Variants in FAT3 observed in about 807,000 individuals in gnomAD.
The protein encoded by FAT3 is protocadherin Fat 3.
FAT3 carries 95 observed loss-of-function variants against 310.2 expected under a neutral mutation model. That is an observed-to-expected ratio of 0.31 (90% confidence interval 0.26 to 0.36). The LOEUF is 0.36. Ranked by LOEUF, FAT3 falls within the 10% of genes least tolerant of loss-of-function variation. The pLI, the probability that FAT3 is intolerant of heterozygous loss-of-function variation, is 1.00. For missense variants in FAT3, 5,408 were observed against 5,715.6 expected (o/e 0.95, Z 1.74); for synonymous variants, 2,314 against 2,192.9 (o/e 1.06, Z -1.54).
At chr11:92,671,693 CTG>C (rs1943133103) in intron 3 of FAT3, among the ~76,000 whole-genome samples, 1 of 152,116 alleles carries the variant, frequency 6.6e-6, no homozygotes, top group Non-Finnish European at 1.5e-5. Flanking sequence ...TCCTGCTAGA[CTG>C]TACATTCCAT....
intron 2 of FAT3, among the ~76,000 whole-genome samples, chr11:92,409,260 TC>T (rs1263529175): frequency 7.5e-5 from 11 of 146,344 alleles, no homozygotes; most frequent in African/African-American, 2.6e-4. Context: ...TGTGTGTGTG[TC>T]GTGTGTGTGT....
At chr11:92,548,203 T>C (rs1369664358) in intron 3 of FAT3, among the ~76,000 whole-genome samples, 1 of 152,188 alleles carries the variant, frequency 6.6e-6, no homozygotes, top group Non-Finnish European at 1.5e-5. Flanking sequence ...TGGTGACTTG[T>C]TACTTAGCTT....
chr11:92,798,853 C>T lies in FAT3; in HGVS notation c.5840C>T (p.Ser1947Phe), dbSNP rs1231547853. Residue 1947 changes from serine to phenylalanine, a missense_variant, in exon 10 of 28, where the codon TCC becomes TTC. Ser to Phe is a radical substitution (Grantham distance 155). Transcript: ENST00000525166. ...GVLTIKNNNLSKDHYMLIVKV... is the reference protein window; with the variant it reads ...GVLTIKNNNLFKDHYMLIVKV... Reference sequence around the variant, plus strand: ...CTTACCATAAAAAACAACAACCTCTCCAAGGATCACTACATGCTGATAGTT... The same window carrying T: ...CTTACCATAAAAAACAACAACCTCTTCAAGGATCACTACATGCTGATAGTT... The T allele has an allele frequency of 6.2e-7, 1 of 1,613,746 alleles. No homozygotes were observed. The highest frequency in any genetic ancestry group is 1.3e-5 in the African/African-American group (1 of 74,896).
intron 2 of FAT3, among the ~76,000 whole-genome samples, chr11:92,515,132 A>C (rs1953435740): frequency 1.3e-5 from 2 of 152,132 alleles, no homozygotes; most frequent in African/African-American, 2.4e-5. Context: ...ACACTTATTG[A>C]GTGCCTACTA....
rs1462723465 is a variant in FAT3 at position 92,293,457 on chromosome 11, A to G, written c.-17-58639A>G. Reference sequence around the variant, plus strand: ...AAAGAAGAAAATTATAATCATACTCATGATCACGTGACCCTGATATATAAC... The same window carrying G: ...AAAGAAGAAAATTATAATCATACTCGTGATCACGTGACCCTGATATATAAC... On this transcript the variant is annotated intron_variant, in intron 1 of 27. Coordinates refer to ENST00000525166, the MANE Select transcript of FAT3 (RefSeq NM_001367949.2). 2.7e-5 allele frequency among the ~76,000 whole-genome samples: 4 copies of G among 148,026 alleles called. No homozygotes were observed. In the East Asian group the frequency reaches 8.0e-4, roughly 30 times the overall value.
intron 2 of FAT3, among the ~76,000 whole-genome samples, chr11:92,488,820 C>A (rs1591359023): frequency 6.6e-6 from 1 of 152,216 alleles, no homozygotes; most frequent in South Asian, 2.1e-4. Flanking sequence ...TGAAATCCAC[C>A]TGCCTGGGTT....
At chr11:92,443,001 C>T (rs1419235425) in intron 2 of FAT3, among the ~76,000 whole-genome samples, 1 of 152,108 alleles carries the variant, frequency 6.6e-6, no homozygotes, top group African/African-American at 2.4e-5. Flanking sequence ...TAAGCAAACA[C>T]AAGGGGTGGT....
chr11:92,386,430 T>G (rs1949622360), intron 2 of FAT3, among the ~76,000 whole-genome samples: 1 of 152,220 alleles, frequency 6.6e-6, no homozygotes, highest in African/African-American at 2.4e-5. Context: ...ATTGAATGAA[T>G]GCATACATGA....
intron 2 of FAT3, among the ~76,000 whole-genome samples, chr11:92,400,013 G>GAATATATACA (rs1773155210): frequency 6.6e-6 from 1 of 152,094 alleles, no homozygotes; most frequent in Admixed American, 6.6e-5. Flanking sequence ...TATTCTTATT[G>GAATATATACA]AGGCACAGAC....
chr11:92,271,997 T>C (rs1565192915), intron 1 of FAT3, among the ~76,000 whole-genome samples: 1 of 152,146 alleles, frequency 6.6e-6, no homozygotes. Flanking sequence ...TGTACTCTTT[T>C]CATTATATGG....
chr11:92,309,216 C>T (rs1014108500), intron 1 of FAT3, among the ~76,000 whole-genome samples: 2 of 147,066 alleles, frequency 1.4e-5, no homozygotes, highest in Non-Finnish European at 3.0e-5. Context: ...CCCCAGAGTG[C>T]ACCGGCTTGG....
chr11:92,886,343 G>A (rs1191673816), intron 24 of FAT3, among the ~76,000 whole-genome samples: 1 of 151,988 alleles, frequency 6.6e-6, no homozygotes, highest in Non-Finnish European at 1.5e-5. Flanking sequence ...GTGTGTGTGT[G>A]TGTGTGTGCA....
At position 92,666,252 on chromosome 11, in the gene FAT3, A is replaced by T. The variant is rs376052033; in HGVS notation, c.3608-31132A>T. On this transcript the variant is annotated intron_variant, in intron 3 of 27. Coordinates refer to ENST00000525166, the MANE Select transcript of FAT3 (RefSeq NM_001367949.2). ...CAAGATAAAACATATCCATTTGATG[A>T]TTTAATTGATAAAGGTGTTAATTTG... is the stretch of plus-strand genomic sequence containing the variant. Among the ~76,000 whole-genome samples the T allele has an allele frequency of 4.6e-5, 7 of 152,282 alleles. No homozygotes were observed. In the East Asian group the frequency reaches 1.4e-3, roughly 29 times the overall value.
chr11:92,735,079 C>A (rs1172780012), intron 4 of FAT3, among the ~76,000 whole-genome samples: 7 of 152,028 alleles, frequency 4.6e-5, no homozygotes, highest in Non-Finnish European at 1.0e-4. Flanking sequence ...AGAACACCTC[C>A]CTGCAGGAAC....
intron 1 of FAT3, among the ~76,000 whole-genome samples, chr11:92,351,287 G>A (rs1344590577): frequency 6.6e-6 from 1 of 151,956 alleles, no homozygotes; most frequent in Non-Finnish European, 1.5e-5. Flanking sequence ...ACCTTGATCA[G>A]TTTAAAAGTA....
chr11:92,225,239 G>T (rs539529099), intron 1 of FAT3, among the ~76,000 whole-genome samples, 65 bp downstream of exon 1: 1 of 152,222 alleles, frequency 6.6e-6, no homozygotes, highest in South Asian at 2.1e-4. Flanking sequence ...GCGCCTGCCG[G>T]AGCACAGCCT....
Position 92,690,298 on chromosome 11 carries a change from G to A in FAT3, c.3608-7086G>A, listed in dbSNP as rs115250674. On this transcript the variant is annotated intron_variant, in intron 3 of 27. Coordinates refer to ENST00000525166, the MANE Select transcript of FAT3 (RefSeq NM_001367949.2). ...GCATCTTCATACTTTGGTTTAAAATGTACCCTCACTTTTACAGTTTTAAAG... is the reference window on the plus strand; with the variant it reads ...GCATCTTCATACTTTGGTTTAAAATATACCCTCACTTTTACAGTTTTAAAG... Among the ~76,000 whole-genome samples, 496 of 152,298 alleles carry A rather than the reference G, an allele frequency of 3.3e-3. 5 individuals are homozygous for A. Among genetic ancestry groups the A allele is most frequent in the African/African-American group, 0.011 (473 of 41,562 alleles).
chr11:92,759,580 A>T (rs1946092395), intron 4 of FAT3, among the ~76,000 whole-genome samples: 1 of 152,006 alleles, frequency 6.6e-6, no homozygotes. Flanking sequence ...AGAAAAGAGG[A>T]CCTGAAGGAT....
Position 92,701,626 on chromosome 11 carries a change from G to A in FAT3, c.3669+4181G>A, listed in dbSNP as rs564853937. The stretch of plus-strand genomic sequence containing the variant: ...AAAATGTAGAATTTTTAGCTCATTT[G>A]TTCAAAGTCGTATACCTTCCTTGAT... On this transcript the variant is annotated intron_variant, in intron 4 of 27. Coordinates refer to ENST00000525166, the MANE Select transcript of FAT3 (RefSeq NM_001367949.2). 2.8e-4 allele frequency among the ~76,000 whole-genome samples: 42 copies of A among 152,246 alleles called. 1 individual carries two copies. The highest frequency in any genetic ancestry group is 1.0e-3 in the African/African-American group (42 of 41,554).
Sources: allele counts gnomAD v4.1 joint callset (sites outside exome capture counted in the v4.1 genomes callset), GRCh38; gene constraint gnomAD v4.1.1; transcripts MANE v1.5; gene names NCBI Gene and HGNC (gene_info 2026-07-23, HGNC 2026-07-21).